FMN2: variants seen among roughly 807,000 people sequenced by gnomAD.
The protein encoded by FMN2 is formin 2.
Under a neutral mutation model 142.3 loss-of-function variants are expected in FMN2, and 51 were observed. The observed-to-expected ratio is 0.36, with a 90% CI of 0.29 to 0.45. FMN2 has a LOEUF of 0.45. Ranked by LOEUF, FMN2 falls within the 20% of genes least tolerant of loss-of-function variation. FMN2 has a pLI of 1.00. For synonymous variants in FMN2, 882 were observed against 869.8 expected (o/e 1.01, Z -0.25); for missense variants, 1,936 against 2,122.8 (o/e 0.91, Z 1.73).
chr1:240,360,899 C>T (rs901325420), intron 14 of FMN2, among the ~76,000 whole-genome samples: 3 of 151,452 alleles, frequency 2.0e-5, no homozygotes, highest in Non-Finnish European at 4.4e-5. Context: ...CATGTTCTCA[C>T]TCATAGGTGG....
intron 6 of FMN2, among the ~76,000 whole-genome samples, chr1:240,224,955 G>A (rs553301659): frequency 2.1e-4 from 32 of 152,224 alleles, no homozygotes; most frequent in African/African-American, 7.7e-4. Context: ...CTTATTTAGA[G>A]GCCTGAAGGT....
At chr1:240,413,899 A>G (rs1056816250) in intron 15 of FMN2, among the ~76,000 whole-genome samples, 1 of 152,056 alleles carries the variant, frequency 6.6e-6, no homozygotes, top group African/African-American at 2.4e-5. Flanking sequence ...CTCCTTGCTC[A>G]CTCTTATAAG....
At chr1:240,438,982 C>T (rs766715359) in intron 16 of FMN2, among the ~76,000 whole-genome samples, 3 of 152,066 alleles carry the variant, frequency 2.0e-5, no homozygotes, top group South Asian at 4.2e-4. Flanking sequence ...AGAAAACTTA[C>T]ATCCTGTGAG....
intron 13 of FMN2, among the ~76,000 whole-genome samples, chr1:240,337,357 C>T (rs1031209926): frequency 1.3e-5 from 2 of 151,994 alleles, no homozygotes; most frequent in Admixed American, 6.6e-5. Flanking sequence ...GCTGGGATTA[C>T]AGGCACATGC....
chr1:240,350,130 G>T (rs1672040582), intron 13 of FMN2, among the ~76,000 whole-genome samples: 1 of 152,164 alleles, frequency 6.6e-6, no homozygotes, highest in South Asian at 2.1e-4. Context: ...CATTGTGTAT[G>T]TACAAAATAT....
At chr1:240,295,321 T>C (rs998619008) in intron 8 of FMN2, among the ~76,000 whole-genome samples, 3 of 152,104 alleles carry the variant, frequency 2.0e-5, no homozygotes, top group Non-Finnish European at 2.9e-5. Context: ...TGAGTTGATA[T>C]ACACATTGAT....
intron 14 of FMN2, among the ~76,000 whole-genome samples, chr1:240,375,693 A>G (rs1259450213): frequency 6.6e-6 from 1 of 152,128 alleles, no homozygotes; most frequent in Admixed American, 6.5e-5. Context: ...CATTATCATA[A>G]TAGTTTCTCA....
intron 2 of FMN2, among the ~76,000 whole-genome samples, chr1:240,177,678 C>T (rs548912011): frequency 3.9e-5 from 6 of 151,942 alleles, no homozygotes; most frequent in East Asian, 3.9e-4. Context: ...AAGAAAGAGG[C>T]GTAGGTTTTA....
chr1:240,236,334 A>G (rs964739569), intron 6 of FMN2, among the ~76,000 whole-genome samples: 6 of 152,126 alleles, frequency 3.9e-5, no homozygotes, highest in Non-Finnish European at 8.8e-5. Flanking sequence ...CATGCCTTTA[A>G]CTACATACTT....
intron 13 of FMN2, among the ~76,000 whole-genome samples, chr1:240,353,064 A>T (rs1672148518): frequency 6.6e-6 from 1 of 150,586 alleles, no homozygotes; most frequent in Admixed American, 6.6e-5. Flanking sequence ...TACTCATGCA[A>T]CTTCCTCCTT....
chr1:240,179,640 G>A (rs952803699), intron 3 of FMN2: 1 of 152,382 alleles, frequency 6.6e-6, no homozygotes, highest in Middle Eastern at 3.4e-3. Context: ...CCTCTAACAT[G>A]ATAGCACCTG....
At position 240,472,365 on chromosome 1, in the gene FMN2, C is replaced by A; in HGVS notation, c.5061-7C>A. 6.2e-7 allele frequency: 1 copy of A among 1,606,892 alleles called. No homozygotes were observed. The highest frequency in any genetic ancestry group is 8.5e-7 in the Non-Finnish European group (1 of 1,176,654). Reference sequence around the variant, plus strand: ...TTGTTTAAATACATGTGTCTTCTCCCCATCAGAGTAAAAGAAGCCGAAGAG... The same window carrying A: ...TTGTTTAAATACATGTGTCTTCTCCACATCAGAGTAAAAGAAGCCGAAGAG... On this transcript the variant is annotated splice_polypyrimidine_tract_variant and splice_region_variant and intron_variant, in intron 16 of 17. Transcript: ENST00000319653.
chr1:240,359,982 C>A (rs748851675), intron 14 of FMN2, among the ~76,000 whole-genome samples: 1 of 152,106 alleles, frequency 6.6e-6, no homozygotes, highest in African/African-American at 2.4e-5. Context: ...GTCTAGCAAC[C>A]CTTGTTAAGC....
At chr1:240,324,705 G>C (rs150186391) in intron 8 of FMN2, among the ~76,000 whole-genome samples, 1,617 of 142,114 alleles carry the variant, frequency 0.011, 34 homozygotes, top group African/African-American at 0.037. Context: ...GGGAGGGAGG[G>C]AGGGAGGGAA....
chr1:240,152,486 C>G (rs983357066), intron 2 of FMN2, among the ~76,000 whole-genome samples: 5 of 152,078 alleles, frequency 3.3e-5, no homozygotes, highest in Admixed American at 2.6e-4. Context: ...GTTCCATATG[C>G]TTAACCTTTT....
chr1:240,199,980 G>A (rs1397074052), intron 4 of FMN2, among the ~76,000 whole-genome samples: 1 of 152,174 alleles, frequency 6.6e-6, no homozygotes, highest in African/African-American at 2.4e-5. Context: ...CTGAGTGAGA[G>A]TCTTTCTGAA....
rs1343053243 is a variant in FMN2, at chr1:240,208,083, C to G, written c.3271C>G (p.Leu1091Val). 9 of 818,904 alleles carry G rather than the reference C, an allele frequency of 1.1e-5. No homozygotes were observed. Among genetic ancestry groups the G allele is most frequent in the Middle Eastern group, 3.6e-4 (1 of 2,784 alleles). 50.7% of individuals were successfully genotyped at this position (818,904 alleles called of 1,614,324 possible). A position where few individuals can be genotyped will look rare whatever the true frequency, so the allele number is the denominator to read the frequency against. Residue 1091 changes from leucine (L) to valine (V), a missense_variant, in exon 5 of 18, where the codon CTA (leucine) becomes GTA (valine). Physicochemically the swap from Leu to Val is conservative, Grantham distance 32 (BLOSUM62 1). Transcript: ENST00000319653. ...AGCGGGCATACCCCCACCTCCCCCT[C>G]TACCCGGAGCGGGCATACCCCCTCC... ...PGAGIPPPPP[L>V]PGAGIPPPPP...
intron 4 of FMN2, among the ~76,000 whole-genome samples, chr1:240,194,466 C>T (rs1448946353): frequency 1.3e-5 from 2 of 152,068 alleles, no homozygotes; most frequent in African/African-American, 4.8e-5. Context: ...CAGAGGTGAC[C>T]AAGCATTTTA....
chr1:240,145,431 A>G, intron 2 of FMN2: 2 of 352,512 alleles, frequency 5.7e-6, no homozygotes, highest in African/African-American at 2.1e-5. Flanking sequence ...TAATATATAT[A>G]TGTATATATT....
Sources: allele counts gnomAD v4.1 joint callset (sites outside exome capture counted in the v4.1 genomes callset), GRCh38; gene constraint gnomAD v4.1.1; transcripts MANE v1.5; gene names NCBI Gene and HGNC (gene_info 2026-07-23, HGNC 2026-07-21).